The following ITPR1 variants were observed in gnomAD, a reference collection of about 807,000 sequenced individuals.
ITPR1 encodes inositol 1,4,5-trisphosphate receptor type 1.
A neutral mutation model predicts 318.4 loss-of-function variants in ITPR1; 96 were observed. That is an observed-to-expected ratio of 0.30 (90% CI 0.26 to 0.36). The LOEUF is 0.36. Among genes scored for constraint, ITPR1 ranks in the 10% least tolerant of loss-of-function variants. The probability of loss-of-function intolerance (pLI) is 1.00; values close to 1 mark genes in which losing one functional copy is unlikely to be tolerated. For synonymous variants in ITPR1, 1,312 were observed against 1,289.9 expected (o/e 1.02, Z -0.37); for missense variants, 2,440 against 3,460.2 (o/e 0.71, Z 7.40).
Position 4,658,410 on chromosome 3 carries a change from C to A in ITPR1, c.1151+132C>A, listed in dbSNP as rs540282706. ...TAAAGGATTTGGTGAAAGGTTTGCACTGACTGCCCGGTATGGCAACTGATT... is the reference window on the plus strand; with the variant it reads ...TAAAGGATTTGGTGAAAGGTTTGCAATGACTGCCCGGTATGGCAACTGATT... On this transcript the variant is annotated intron_variant, in intron 13 of 61. Coordinates refer to ENST00000649015, the MANE Select transcript of ITPR1 (RefSeq NM_001378452.1). 2.2e-5 allele frequency: 16 copies of A among 735,758 alleles called. No individual in the cohort carries two copies. In the African/African-American group the frequency reaches 2.7e-4, roughly 12 times the overall value. The allele number at this position is 735,758 out of a possible 1,614,324, so 45.6% of individuals were successfully genotyped here.
At chr3:4,709,125 G>A (rs1468839872) in intron 37 of ITPR1, among the ~76,000 whole-genome samples, 1 of 152,164 alleles carries the variant, frequency 6.6e-6, no homozygotes, top group African/African-American at 2.4e-5. Context: ...AATATTGACT[G>A]GGTGCTTCCA....
intron 35 of ITPR1, among the ~76,000 whole-genome samples, chr3:4,702,146 G>C (rs1418588487): frequency 6.6e-6 from 1 of 152,168 alleles, no homozygotes; most frequent in African/African-American, 2.4e-5. Flanking sequence ...GTGTCAAATT[G>C]ATTCAGTGGA....
intron 42 of ITPR1, among the ~76,000 whole-genome samples, chr3:4,730,030 T>C (rs552988191): frequency 6.0e-4 from 91 of 152,072 alleles, no homozygotes; most frequent in African/African-American, 2.0e-3. Flanking sequence ...TAGGAAAGCT[T>C]TTCTCTGCAG....
intron 4 of ITPR1, among the ~76,000 whole-genome samples, chr3:4,614,407 A>G (rs921019819): frequency 6.6e-6 from 1 of 152,226 alleles, no homozygotes; most frequent in African/African-American, 2.4e-5. Flanking sequence ...CATAGCAGCT[A>G]GTATTTATTG....
chr3:4,702,451 T>A (rs983100333), intron 35 of ITPR1, among the ~76,000 whole-genome samples: 1 of 152,180 alleles, frequency 6.6e-6, no homozygotes, highest in Non-Finnish European at 1.5e-5. Flanking sequence ...ATTTTATACA[T>A]TGGATGAAAC....
chr3:4,799,742 G>A (rs2048104563), intron 53 of ITPR1: 1 of 152,166 alleles, frequency 6.6e-6, no homozygotes, highest in Non-Finnish European at 1.5e-5. Flanking sequence ...AGAACTTGCA[G>A]TAGCAAGAGA....
At chr3:4,652,386 C>CA (rs1369783729) in intron 11 of ITPR1, among the ~76,000 whole-genome samples, 168 bp downstream of exon 11, 3 of 152,152 alleles carry the variant, frequency 2.0e-5, no homozygotes, top group African/African-American at 7.2e-5. Context: ...CTAGAAGACT[C>CA]AAAAATGATT....
intron 4 of ITPR1, among the ~76,000 whole-genome samples, chr3:4,608,415 G>GA (rs2091851163): frequency 6.6e-6 from 1 of 152,110 alleles, no homozygotes; most frequent in Non-Finnish European, 1.5e-5. Flanking sequence ...GAAGGGTCTA[G>GA]AATGCTTTTT....
At chr3:4,754,048 T>TC (rs144012032) in intron 44 of ITPR1, among the ~76,000 whole-genome samples, 1 of 92,542 alleles carries the variant, frequency 1.1e-5, no homozygotes, top group Non-Finnish European at 2.4e-5. Flanking sequence ...ACACAGAAAA[T>TC]GGGGGGGGGG....
At chr3:4,619,006 C>T (rs895538774) in intron 4 of ITPR1, among the ~76,000 whole-genome samples, 1 of 152,172 alleles carries the variant, frequency 6.6e-6, no homozygotes, top group African/African-American at 2.4e-5. Flanking sequence ...CTTTATTGTA[C>T]TTTCATACCT....
chr3:4,802,893 C>G (rs1048717151), intron 54 of ITPR1, among the ~76,000 whole-genome samples: 1 of 151,894 alleles, frequency 6.6e-6, no homozygotes, highest in Non-Finnish European at 1.5e-5. Flanking sequence ...AATAGTAACA[C>G]ATGGTGGGCA....
intron 40 of ITPR1, among the ~76,000 whole-genome samples, chr3:4,721,772 A>C (rs9311399): frequency 0.58 from 87,716 of 151,960 alleles, 26,182 homozygotes; most frequent in East Asian, 0.83. Flanking sequence ...GAAGGGGATT[A>C]CTGCTGAGGG....
intron 40 of ITPR1, among the ~76,000 whole-genome samples, chr3:4,721,457 T>G (rs543317583): frequency 1.9e-4 from 29 of 152,252 alleles, no homozygotes; most frequent in African/African-American, 6.3e-4. Context: ...ATAACTTCTA[T>G]TTTAGCTCAA....
chr3:4,493,944 A>G (rs1343439040), intron 1 of ITPR1, among the ~76,000 whole-genome samples: 1 of 145,056 alleles, frequency 6.9e-6, no homozygotes, highest in Non-Finnish European at 1.5e-5. Context: ...GAGTCTGCTC[A>G]AGGAAATAAT....
chr3:4,837,600 A>G (rs2051019142), intron 61 of ITPR1, among the ~76,000 whole-genome samples: 1 of 151,994 alleles, frequency 6.6e-6, no homozygotes, highest in Non-Finnish European at 1.5e-5. Flanking sequence ...AGGAAGCAGG[A>G]TGCGGGCAGT....
intron 4 of ITPR1, among the ~76,000 whole-genome samples, chr3:4,529,038 G>A (rs562074744): frequency 3.0e-4 from 45 of 152,254 alleles, no homozygotes; most frequent in Non-Finnish European, 5.0e-4. Flanking sequence ...ACACTGCAGC[G>A]TATCCCTCAC....
chr3:4,575,775 C>A (rs1156732291), intron 4 of ITPR1, among the ~76,000 whole-genome samples: 1 of 151,464 alleles, frequency 6.6e-6, no homozygotes, highest in African/African-American at 2.4e-5. Context: ...AATCCCAGCA[C>A]TTTGGGAGGC....
At chr3:4,581,074 G>A (rs1276668588) in intron 4 of ITPR1, among the ~76,000 whole-genome samples, 2 of 152,172 alleles carry the variant, frequency 1.3e-5, no homozygotes, top group African/African-American at 4.8e-5. Context: ...AAACGTTTCA[G>A]AAGCTTAAAA....
intron 44 of ITPR1, among the ~76,000 whole-genome samples, chr3:4,756,720 G>A (rs1311601899): frequency 6.6e-6 from 1 of 152,134 alleles, no homozygotes; most frequent in African/African-American, 2.4e-5. Context: ...GACACTTAAT[G>A]GGAATTGCCA....
Sources: allele counts gnomAD v4.1 joint callset (sites outside exome capture counted in the v4.1 genomes callset), GRCh38; gene constraint gnomAD v4.1.1; transcripts MANE v1.5; gene names NCBI Gene and HGNC (gene_info 2026-07-23, HGNC 2026-07-21).